The following DYNC1I2 variants were observed in gnomAD, a reference collection of about 807,000 sequenced individuals.
DYNC1I2 encodes dynein cytoplasmic 1 intermediate chain 2, also known as cytoplasmic dynein 1 intermediate chain 2.
In DYNC1I2, 53 loss-of-function variants were observed where a neutral mutation model predicts 88.6. The ratio of observed to expected loss-of-function variants is 0.60; its 90% CI spans 0.48 to 0.75. The LOEUF (loss-of-function observed/expected upper bound fraction) is 0.75, where lower values mean the gene tolerates loss of function less well. DYNC1I2 is among the 30% of genes least tolerant of loss of function. The pLI, the probability that DYNC1I2 is intolerant of heterozygous loss-of-function variation, is 0.00. For missense variants in DYNC1I2, 458 were observed against 766.6 expected (o/e 0.60, Z 4.75); for synonymous variants, 198 against 254.6 (o/e 0.78, Z 2.12).
At chr2:171,691,640 C>T (rs1237536987) in intron 2 of DYNC1I2, among the ~76,000 whole-genome samples, 1 of 152,120 alleles carries the variant, frequency 6.6e-6, no homozygotes, top group Non-Finnish European at 1.5e-5. Flanking sequence ...AGATTAAAAG[C>T]TGACTGGTAG....
intron 15 of DYNC1I2, among the ~76,000 whole-genome samples, chr2:171,737,229 G>C (rs778925466): frequency 6.6e-6 from 1 of 151,970 alleles, no homozygotes; most frequent in African/African-American, 2.4e-5. Flanking sequence ...GTTTGTGTCC[G>C]AATTTTTCTC....
Position 171,692,828 on chromosome 2 carries a change from G to C in DYNC1I2, c.160G>C (p.Glu54Gln), listed in dbSNP as rs1559360810. The change falls in exon 3 of 18, where the codon GAA becomes CAA. Residue 54 changes from glutamate (E) to glutamine (Q), a missense_variant. Physicochemically the swap from Glu to Gln is conservative, Grantham distance 29. Transcript: ENST00000397119. ...TCCTGTGCAAGAAGAATCAGATCTT[G>C]AAAAAAAAAGGAGAGAAGCTGAAGC... ...VAPVQEESDL[E>Q]KKRREAEALL... 6.3e-7 allele frequency: 1 copy of C among 1,581,696 alleles called. No individual in the cohort carries two copies. The highest frequency in any genetic ancestry group is 1.7e-4 in the Middle Eastern group (1 of 5,858).
chr2:171,694,518 G>A (rs1021154834), intron 3 of DYNC1I2, among the ~76,000 whole-genome samples: 2 of 152,002 alleles, frequency 1.3e-5, no homozygotes. Context: ...TTAGGTGGGC[G>A]TGGTGGCGCA....
At chr2:171,730,911 T>C (rs868052788) in intron 15 of DYNC1I2, among the ~76,000 whole-genome samples, 3 of 152,206 alleles carry the variant, frequency 2.0e-5, no homozygotes, top group Admixed American at 6.5e-5. Flanking sequence ...ATTCTTGTCC[T>C]TTCTTGATGC....
At chr2:171,728,567 A>G in intron 13 of DYNC1I2, 149 bp downstream of exon 13, 1 of 831,946 alleles carries the variant, frequency 1.2e-6, no homozygotes, top group Non-Finnish European at 1.8e-6. Flanking sequence ...TTTGTTTCAT[A>G]TATATATATT....
rs181423591 is a variant in DYNC1I2, at chr2:171,694,876, A to G, written c.226+1982A>G. On this transcript the variant is annotated intron_variant, in intron 3 of 17. Coordinates refer to ENST00000397119, the MANE Select transcript of DYNC1I2 (RefSeq NM_001378.3). ...AGGGATCCGCCTCCATGACCCAAAC[A>G]TCTCCCACTAGGCCCCACTTCCAAC... Among the ~76,000 whole-genome samples the G allele has an allele frequency of 4.0e-4, 61 of 152,192 alleles. 1 individual carries two copies. The highest frequency in any genetic ancestry group is 3.8e-3 in the Admixed American group (58 of 15,290).
intron 3 of DYNC1I2, among the ~76,000 whole-genome samples, chr2:171,697,283 A>T (rs974556904): frequency 6.6e-6 from 1 of 152,084 alleles, no homozygotes; most frequent in African/African-American, 2.4e-5. Flanking sequence ...TGGCCTCCCA[A>T]GGTGCTGGGA....
At position 171,694,256 on chromosome 2, in the gene DYNC1I2, C is replaced by T. The variant is rs192440722; in HGVS notation, c.226+1362C>T. On this transcript the variant is annotated intron_variant, in intron 3 of 17. Coordinates refer to ENST00000397119, the MANE Select transcript of DYNC1I2 (RefSeq NM_001378.3). ...TTCACCATATTGGCCAGGCTGGTCT[C>T]GAACTCCTGACCTCATGATCCACCC... is the stretch of plus-strand genomic sequence containing the variant. Among the ~76,000 whole-genome samples the T allele has an allele frequency of 9.4e-3, 1,429 of 152,058 alleles. 15 individuals carry two copies. Among genetic ancestry groups the T allele is most frequent in the Non-Finnish European group, 0.016 (1,092 of 67,974 alleles).
At chr2:171,711,188 A>G (rs1687102250) in intron 5 of DYNC1I2, among the ~76,000 whole-genome samples, 1 of 151,980 alleles carries the variant, frequency 6.6e-6, no homozygotes, top group African/African-American at 2.4e-5. Flanking sequence ...TTTTTAGTAG[A>G]GATGGGGTTT....
rs1688232397 is a variant in DYNC1I2, at chr2:171,726,097, T to C, written c.770+16T>C. ...ACAAAGAAGGGTAATGTTTAGTTGC[T>C]AAGATTTTTAGCTTCAATAATGTTA... is the stretch of plus-strand genomic sequence containing the variant. On this transcript the variant is annotated intron_variant, in intron 9 of 17. Coordinates refer to ENST00000397119, the MANE Select transcript of DYNC1I2 (RefSeq NM_001378.3). 6.4e-7 allele frequency: 1 copy of C among 1,565,836 alleles called. No individual in the cohort carries two copies.
intron 15 of DYNC1I2, among the ~76,000 whole-genome samples, chr2:171,734,377 C>T (rs944655844): frequency 1.3e-5 from 2 of 152,024 alleles, no homozygotes; most frequent in South Asian, 2.1e-4. Context: ...AGTTGAGGGG[C>T]GGTTGATATT....
chr2:171,729,657 A>C, intron 14 of DYNC1I2, 52 bp from the exon 15 acceptor site: 1 of 1,592,460 alleles, frequency 6.3e-7, no homozygotes, highest in Non-Finnish European at 8.6e-7. Context: ...TGTGTATGTA[A>C]TTGGTCTACT....
At chr2:171,693,052 A>G in intron 3 of DYNC1I2, 158 bp downstream of exon 3, 4 of 626,090 alleles carry the variant, frequency 6.4e-6, no homozygotes, top group East Asian at 5.8e-5. Flanking sequence ...CAGATATGCT[A>G]GTACATGGTT....
chr2:171,697,051 A>T (rs974465384), intron 3 of DYNC1I2, among the ~76,000 whole-genome samples: 4 of 151,954 alleles, frequency 2.6e-5, no homozygotes, highest in Non-Finnish European at 5.9e-5. Context: ...CCTCGGCTGG[A>T]ATGCAGTGGT....
At chr2:171,715,279 C>T (rs1020487653) in intron 6 of DYNC1I2, 49 bp from the exon 7 acceptor site, 3 of 1,156,102 alleles carry the variant, frequency 2.6e-6, no homozygotes, top group East Asian at 2.6e-5. Context: ...TTGAAAATAA[C>T]ATGGTTTGAT....
At chr2:171,721,518 A>C (rs542227217) in intron 7 of DYNC1I2, among the ~76,000 whole-genome samples, 2 of 152,216 alleles carry the variant, frequency 1.3e-5, no homozygotes, top group Non-Finnish European at 2.9e-5. Flanking sequence ...GGATTTTTTG[A>C]AAATATTAAA....
chr2:171,746,344 A>G (rs889095251), intron 17 of DYNC1I2, among the ~76,000 whole-genome samples: 2 of 152,194 alleles, frequency 1.3e-5, no homozygotes, highest in African/African-American at 2.4e-5. Context: ...CTGTGACTTT[A>G]TGCAATGTGC....
At chr2:171,716,150 A>G (rs1036776967) in intron 7 of DYNC1I2, among the ~76,000 whole-genome samples, 9 of 152,138 alleles carry the variant, frequency 5.9e-5, no homozygotes, top group African/African-American at 2.2e-4. Context: ...AATACACTTC[A>G]CAGTGTCTTT....
At position 171,729,839 on chromosome 2, in the gene DYNC1I2, C is replaced by CT; in HGVS notation, c.1525dup (p.Trp509LeufsTer4). The CT allele has an allele frequency of 6.2e-7, 1 of 1,613,628 alleles. No individual in the cohort carries two copies. Among genetic ancestry groups the CT allele is most frequent in the East Asian group, 2.2e-5 (1 of 44,878 alleles). ...TTCATCGTTTGACTGGACAGTAAAG[C>CT]TTTGGACAACTAAGGTATCTAAAAT... is the stretch of plus-strand genomic sequence containing the variant. On this transcript the variant is annotated frameshift_variant, in exon 15 of 18. Transcript: ENST00000397119. LOFTEE classifies it high-confidence loss of function.
Sources: allele counts gnomAD v4.1 joint callset (sites outside exome capture counted in the v4.1 genomes callset), GRCh38; gene constraint gnomAD v4.1.1; transcripts MANE v1.5; gene names NCBI Gene and HGNC (gene_info 2026-07-23, HGNC 2026-07-21).